The following TTC29 variants were observed in gnomAD, a reference collection of about 807,000 sequenced individuals.
TTC29 encodes the protein tetratricopeptide repeat domain 29.
A neutral mutation model predicts 58.1 loss-of-function variants in TTC29; 49 were observed. That is an observed-to-expected ratio of 0.84 (90% CI 0.67 to 1.07). The LOEUF is 1.07. Among genes scored for constraint, TTC29 ranks in the 50% least tolerant of loss-of-function variants. The pLI is 0.00. For synonymous variants in TTC29, 209 were observed against 196.8 expected (o/e 1.06, Z -0.52); for missense variants, 582 against 555.6 (o/e 1.05, Z -0.48).
rs142433465 is a variant in TTC29, at chr4:146,717,739, T to C, written c.1331-10188A>G. Among the ~76,000 whole-genome samples, 35 of 152,320 alleles carry C rather than the reference T, an allele frequency of 2.3e-4. No individual in the cohort carries two copies. In the East Asian group the frequency reaches 6.7e-3, roughly 29 times the overall value. On this transcript the variant is annotated intron_variant, in intron 11 of 12. Transcript: ENST00000325106. ...GCACTTCAAATGCTTATCATTTTTT[T>C]ATGGTGAGAGCATTTGAGAATTACC...
At chr4:146,934,263 T>A (rs968608365) in intron 4 of TTC29, 6 of 152,188 alleles carry the variant, frequency 3.9e-5, no homozygotes, top group Non-Finnish European at 7.3e-5. Flanking sequence ...GACCAGGAGA[T>A]GAACACGGGA....
chr4:146,744,252 C>A (rs978142844), intron 11 of TTC29, among the ~76,000 whole-genome samples: 10 of 151,710 alleles, frequency 6.6e-5, no homozygotes, highest in Admixed American at 3.3e-4. Context: ...GAGAGAGATG[C>A]CAGGCACAGT....
chr4:146,825,779 G>C (rs1255458792), intron 9 of TTC29, among the ~76,000 whole-genome samples: 3 of 152,054 alleles, frequency 2.0e-5, no homozygotes, highest in Non-Finnish European at 4.4e-5. Context: ...TATGAATCTG[G>C]GTGCTCCTGC....
intron 10 of TTC29, among the ~76,000 whole-genome samples, chr4:146,819,830 C>T (rs1166746655): frequency 1.3e-5 from 2 of 152,122 alleles, no homozygotes; most frequent in African/African-American, 4.8e-5. Flanking sequence ...ATTTTAATTG[C>T]TCCTCAAATC....
At chr4:146,710,778 A>G (rs1298856878) in intron 11 of TTC29, among the ~76,000 whole-genome samples, 3 of 152,144 alleles carry the variant, frequency 2.0e-5, no homozygotes, top group Non-Finnish European at 4.4e-5. Context: ...CTTTGTTGCT[A>G]ATAGTAAAGA....
At chr4:146,740,288 G>A (rs1405488676) in intron 11 of TTC29, among the ~76,000 whole-genome samples, 1 of 152,306 alleles carries the variant, frequency 6.6e-6, no homozygotes, top group African/African-American at 2.4e-5. Flanking sequence ...GTCCTTGTGT[G>A]TAGCAGCTAG....
intron 9 of TTC29, among the ~76,000 whole-genome samples, chr4:146,827,057 G>C (rs1727852666): frequency 6.6e-6 from 1 of 151,836 alleles, no homozygotes; most frequent in South Asian, 2.1e-4. Flanking sequence ...TGCTCCTTTA[G>C]CTCATCGTAG....
intron 11 of TTC29, among the ~76,000 whole-genome samples, chr4:146,765,383 A>G (rs564851615): frequency 6.6e-6 from 1 of 152,268 alleles, no homozygotes; most frequent in South Asian, 2.1e-4. Context: ...GGTAACATTT[A>G]GGCAAAATGC....
At chr4:146,709,951 G>T (rs1261613200) in intron 11 of TTC29, among the ~76,000 whole-genome samples, 6 of 152,046 alleles carry the variant, frequency 3.9e-5, no homozygotes. Flanking sequence ...ATGCCCTCTT[G>T]TCTAGACAAG....
chr4:146,729,904 G>A (rs572528198), intron 11 of TTC29, among the ~76,000 whole-genome samples: 139 of 152,024 alleles, frequency 9.1e-4, no homozygotes, highest in Admixed American at 5.0e-3. Flanking sequence ...CCCTCGATAC[G>A]TGGGGATTAT....
Position 146,818,825 on chromosome 4 carries a change from A to G in TTC29, c.1101+1300T>C, listed in dbSNP as rs373013954. On this transcript the variant is annotated intron_variant, in intron 10 of 12. Transcript: ENST00000325106. ...TGGAAATCATCATTCTCAGTAAACT[A>G]TCGCAAGGACAAAAAACCAAACACC... Among the ~76,000 whole-genome samples the G allele has an allele frequency of 1.3e-3, 202 of 152,230 alleles. 4 individuals carry two copies. In the East Asian group the frequency reaches 0.032, roughly 24 times the overall value.
At chr4:146,741,484 GTTC>G (rs1400459414) in intron 11 of TTC29, among the ~76,000 whole-genome samples, 1 of 148,220 alleles carries the variant, frequency 6.7e-6, no homozygotes, top group Non-Finnish European at 1.5e-5. Flanking sequence ...TTAAAAAATT[GTTC>G]TTTTTTTTTT....
Position 146,936,988 on chromosome 4 carries a change from TA to T in TTC29, c.176+605del, listed in dbSNP as rs201999980. Among the ~76,000 whole-genome samples the T allele has an allele frequency of 6.8e-3, 1,042 of 152,200 alleles. 14 individuals are homozygous for T. Among genetic ancestry groups the T allele is most frequent in the African/African-American group, 0.024 (996 of 41,582 alleles). ...AGAAATATTAAACTTGTTTAGCTAT[TA>T]TTCTAAGTTTCTATTCATTTCTCAC... On this transcript the variant is annotated intron_variant, in intron 4 of 12. Coordinates refer to ENST00000325106, the MANE Select transcript of TTC29 (RefSeq NM_031956.4).
intron 10 of TTC29, among the ~76,000 whole-genome samples, chr4:146,807,972 T>C (rs185299396): frequency 6.6e-6 from 1 of 152,272 alleles, no homozygotes; most frequent in African/African-American, 2.4e-5. Context: ...CTGATGAACA[T>C]TGATGCAAAA....
At chr4:146,806,100 AT>A (rs1261133711) in intron 10 of TTC29, among the ~76,000 whole-genome samples, 2 of 152,198 alleles carry the variant, frequency 1.3e-5, no homozygotes, top group African/African-American at 4.8e-5. Flanking sequence ...AAGGAAAAGA[AT>A]TTTCAACTCA....
intron 8 of TTC29, among the ~76,000 whole-genome samples, chr4:146,860,219 C>G (rs61523553): frequency 0.033 from 4,955 of 152,164 alleles, 136 homozygotes; most frequent in East Asian, 0.13. Context: ...AACTCTCTCC[C>G]CCCAAAACTT....
At chr4:146,832,509 C>T (rs77007199) in intron 9 of TTC29, among the ~76,000 whole-genome samples, 4,774 of 152,140 alleles carry the variant, frequency 0.031, 248 homozygotes, top group African/African-American at 0.11. Flanking sequence ...GAGACAGTTT[C>T]GCTCTTGATG....
At chr4:146,814,913 A>G (rs1266345058) in intron 10 of TTC29, among the ~76,000 whole-genome samples, 7 of 152,124 alleles carry the variant, frequency 4.6e-5, no homozygotes, top group Non-Finnish European at 1.0e-4. Context: ...TAAGGCAGGA[A>G]CTAGCTTAAC....
intron 4 of TTC29, among the ~76,000 whole-genome samples, chr4:146,924,823 A>G (rs1162478602): frequency 6.6e-6 from 1 of 151,764 alleles, no homozygotes; most frequent in Non-Finnish European, 1.5e-5. Flanking sequence ...GGATATTTAT[A>G]TTTTTCTAAT....
Sources: gnomAD v4.1 joint callset for allele counts (sites outside exome capture counted in the v4.1 genomes callset) on GRCh38, gnomAD v4.1.1 for gene constraint, MANE v1.5 for transcripts, NCBI Gene and HGNC (gene_info 2026-07-23, HGNC 2026-07-21) for gene names.